SEZ6L: variants seen among roughly 807,000 people sequenced by gnomAD.
The protein encoded by SEZ6L is seizure related 6 homolog like.
In SEZ6L, 37 loss-of-function variants were observed where a neutral mutation model predicts 106.2. The ratio of observed to expected loss-of-function variants is 0.35; its 90% confidence interval spans 0.27 to 0.46. The LOEUF (loss-of-function observed/expected upper bound fraction) is 0.46, where lower values mean the gene tolerates loss of function less well. Ranked by LOEUF, SEZ6L falls within the 20% of genes least tolerant of loss-of-function variation. The pLI is 1.00. For missense variants in SEZ6L, 1,172 were observed against 1,332.8 expected (o/e 0.88, Z 1.88); for synonymous variants, 541 against 570.4 (o/e 0.95, Z 0.73).
intron 1 of SEZ6L, among the ~76,000 whole-genome samples, chr22:26,190,779 A>G (rs563740411): frequency 2.6e-5 from 4 of 152,346 alleles, no homozygotes; most frequent in African/African-American, 9.6e-5. Flanking sequence ...AAAGTCACAG[A>G]GAAGTCCAGC....
At chr22:26,266,729 T>C (rs2080204186) in intron 1 of SEZ6L, among the ~76,000 whole-genome samples, 1 of 152,108 alleles carries the variant, frequency 6.6e-6, no homozygotes, top group South Asian at 2.1e-4. Flanking sequence ...AGTCTGACTT[T>C]CTTTCTAGAC....
intron 1 of SEZ6L, among the ~76,000 whole-genome samples, chr22:26,232,224 G>A (rs906826310): frequency 3.3e-5 from 5 of 152,014 alleles, no homozygotes; most frequent in Non-Finnish European, 5.9e-5. Flanking sequence ...ATAGCACCAG[G>A]AAAAGTCCTT....
intron 1 of SEZ6L, among the ~76,000 whole-genome samples, chr22:26,193,822 T>A (rs1167803625): frequency 6.6e-6 from 1 of 152,194 alleles, no homozygotes; most frequent in Non-Finnish European, 1.5e-5. Flanking sequence ...CATGGTGACG[T>A]GTATGCAGTA....
intron 1 of SEZ6L, among the ~76,000 whole-genome samples, chr22:26,199,369 G>A (rs1271238368): frequency 2.0e-5 from 3 of 152,134 alleles, no homozygotes; most frequent in Non-Finnish European, 4.4e-5. Flanking sequence ...TTTCAGAATA[G>A]AAAGCCTGGG....
At chr22:26,247,702 C>T (rs994217118) in intron 1 of SEZ6L, among the ~76,000 whole-genome samples, 2 of 152,182 alleles carry the variant, frequency 1.3e-5, no homozygotes, top group African/African-American at 4.8e-5. Context: ...GAATATATTT[C>T]TGTTATTCTA....
chr22:26,328,354 A>G (rs191066414), intron 9 of SEZ6L, among the ~76,000 whole-genome samples: 6 of 152,326 alleles, frequency 3.9e-5, no homozygotes, highest in Admixed American at 3.3e-4. Context: ...AATTCCTGGC[A>G]TTAATTGTTA....
At chr22:26,266,411 A>T (rs1601318042) in intron 1 of SEZ6L, among the ~76,000 whole-genome samples, 3 of 151,074 alleles carry the variant, frequency 2.0e-5, no homozygotes, top group Non-Finnish European at 3.0e-5. Flanking sequence ...AAAAAAAAAA[A>T]AAATACAAAA....
At chr22:26,243,632 T>G (rs2079214249) in intron 1 of SEZ6L, among the ~76,000 whole-genome samples, 1 of 152,198 alleles carries the variant, frequency 6.6e-6, no homozygotes, top group Non-Finnish European at 1.5e-5. Flanking sequence ...TGGAGGGTTT[T>G]CAGCCATGGA....
chr22:26,295,679 T>C (rs959126924), intron 3 of SEZ6L, among the ~76,000 whole-genome samples: 1 of 152,208 alleles, frequency 6.6e-6, no homozygotes, highest in Non-Finnish European at 1.5e-5. Flanking sequence ...TCCAGTACTG[T>C]GTGGAGCCTT....
intron 1 of SEZ6L, among the ~76,000 whole-genome samples, chr22:26,246,106 T>A (rs1400697862): frequency 6.6e-6 from 1 of 152,202 alleles, no homozygotes; most frequent in Non-Finnish European, 1.5e-5. Flanking sequence ...TTAGGCGAGG[T>A]AGTCCTTAGA....
At chr22:26,281,364 T>C (rs2080758209) in intron 1 of SEZ6L, among the ~76,000 whole-genome samples, 2 of 147,782 alleles carry the variant, frequency 1.4e-5, no homozygotes, top group African/African-American at 5.1e-5. Flanking sequence ...TTTCTTTTCT[T>C]TCTTTCTTTC....
chr22:26,223,909 C>G (rs2078560660), intron 1 of SEZ6L, among the ~76,000 whole-genome samples: 1 of 152,114 alleles, frequency 6.6e-6, no homozygotes, highest in African/African-American at 2.4e-5. Flanking sequence ...CAGTCTGGAT[C>G]TGATAATTCA....
chr22:26,343,945 T>C (rs1378802083), intron 10 of SEZ6L, among the ~76,000 whole-genome samples: 3 of 152,218 alleles, frequency 2.0e-5, no homozygotes, highest in Admixed American at 6.5e-5. Context: ...CTAAAGTCTA[T>C]GGCAAAGAAT....
chr22:26,268,913 C>A (rs2080274027), intron 1 of SEZ6L, among the ~76,000 whole-genome samples: 1 of 152,166 alleles, frequency 6.6e-6, no homozygotes, highest in African/African-American at 2.4e-5. Context: ...GGTTTATTTA[C>A]CCAACGTGAG....
At chr22:26,179,660 G>A (rs1481987379) in intron 1 of SEZ6L, among the ~76,000 whole-genome samples, 1 of 152,224 alleles carries the variant, frequency 6.6e-6, no homozygotes, top group African/African-American at 2.4e-5. Flanking sequence ...TGAAGAATAA[G>A]AAGGTTTGCT....
In SEZ6L at chr22:26,234,684, T is replaced by C. The variant is rs534289133; in HGVS notation, c.95-57722T>C. ...GGCTTGATAGCCACAATAGGCCTAT[T>C]TCTGAAGCTCATTTTCCCAAACATT... is the stretch of plus-strand genomic sequence containing the variant. On this transcript the variant is annotated intron_variant, in intron 1 of 16. Transcript: ENST00000248933. Among the ~76,000 whole-genome samples, 3 of 152,380 alleles carry C rather than the reference T, an allele frequency of 2.0e-5. No homozygotes were observed. In the South Asian group the frequency reaches 6.2e-4, roughly 32 times the overall value.
chr22:26,292,381 C>T, intron 1 of SEZ6L, 25 bp from the exon 2 acceptor site: 6 of 1,573,568 alleles, frequency 3.8e-6, no homozygotes, highest in Non-Finnish European at 3.5e-6. Context: ...CCCAAACTAA[C>T]TGGTGTCTTT....
At chr22:26,279,688 C>A (rs2080694651) in intron 1 of SEZ6L, among the ~76,000 whole-genome samples, 1 of 152,192 alleles carries the variant, frequency 6.6e-6, no homozygotes, top group Non-Finnish European at 1.5e-5. Flanking sequence ...CGCTTCCTGT[C>A]ACCCTTGCAC....
At chr22:26,287,097 T>G (rs2080960658) in intron 1 of SEZ6L, among the ~76,000 whole-genome samples, 1 of 151,330 alleles carries the variant, frequency 6.6e-6, no homozygotes, top group African/African-American at 2.4e-5. Context: ...GTTCCCAGTC[T>G]AATCTCCCAT....
Sources: allele counts gnomAD v4.1 joint callset (sites outside exome capture counted in the v4.1 genomes callset), GRCh38; gene constraint gnomAD v4.1.1; transcripts MANE v1.5; gene names NCBI Gene and HGNC (gene_info 2026-07-23, HGNC 2026-07-21).